COQ8B: variants seen among roughly 807,000 people sequenced by gnomAD.
COQ8B encodes atypical kinase COQ8B, mitochondrial.
COQ8B carries 44 observed loss-of-function variants against 62.0 expected under a neutral mutation model. That is an observed-to-expected ratio of 0.71 (90% CI 0.56 to 0.91). COQ8B has a LOEUF of 0.91. Ranked by LOEUF, COQ8B falls within the 40% of genes least tolerant of loss-of-function variation. COQ8B has a pLI of 0.00. For missense variants in COQ8B, 649 were observed against 731.6 expected, an observed-to-expected ratio of 0.89 and a Z score of 1.30; for synonymous variants, 252 against 289.9, an observed-to-expected ratio of 0.87 and a Z score of 1.33.
rs116967984 is a variant in COQ8B at position 40,693,525 on chromosome 19, G to A, written c.1210-488C>T. Among the ~76,000 whole-genome samples, 1,076 of 152,312 alleles carry A rather than the reference G, an allele frequency of 7.1e-3. 8 individuals carry two copies. The highest frequency in any genetic ancestry group is 0.013 in the Non-Finnish European group (879 of 68,022). ...CTGGGTGAACCTTGCTTTAGCAAAT[G>A]AGCGTGTGGAGCAGAGCAGCTCTCC... On this transcript the variant is annotated intron_variant, in intron 13 of 14. Coordinates refer to ENST00000324464, the MANE Select transcript of COQ8B (RefSeq NM_024876.4).
intron 5 of COQ8B, among the ~76,000 whole-genome samples, chr19:40,709,264 G>A (rs2082122967): frequency 6.6e-6 from 1 of 152,128 alleles, no homozygotes; most frequent in South Asian, 2.1e-4. Flanking sequence ...TTTCATGGCT[G>A]TTTTTTCCAA....
At chr19:40,702,392 C>G (rs2082066954) in intron 10 of COQ8B, among the ~76,000 whole-genome samples, 1 of 152,130 alleles carries the variant, frequency 6.6e-6, no homozygotes, top group East Asian at 1.9e-4. Context: ...GAGAAGACTG[C>G]CGCTTGGGAA....
At chr19:40,711,379 A>G (rs1308167548) in intron 4 of COQ8B, among the ~76,000 whole-genome samples, 2 of 151,952 alleles carry the variant, frequency 1.3e-5, no homozygotes, top group Non-Finnish European at 2.9e-5. Flanking sequence ...CCACACGTGC[A>G]TACCACCACG....
intron 4 of COQ8B, among the ~76,000 whole-genome samples, chr19:40,710,449 C>T (rs540941035): frequency 2.0e-5 from 3 of 152,218 alleles, no homozygotes; most frequent in South Asian, 2.1e-4. Context: ...GGGGTTTCAC[C>T]GTGTTGGCCA....
intron 12 of COQ8B, among the ~76,000 whole-genome samples, chr19:40,697,931 C>G (rs1479709329): frequency 2.1e-5 from 3 of 145,778 alleles, no homozygotes; most frequent in Non-Finnish European, 4.5e-5. Flanking sequence ...AAAAGTGTCC[C>G]AAGGCCAGGC....
chr19:40,702,785 C>G (rs1003133594), intron 9 of COQ8B, 92 bp from the exon 10 acceptor site: 67 of 1,171,316 alleles, frequency 5.7e-5, no homozygotes, highest in Non-Finnish European at 8.0e-5. Flanking sequence ...GTCTCCCGCG[C>G]TGTCCCTCAC....
intron 12 of COQ8B, among the ~76,000 whole-genome samples, chr19:40,697,822 T>TA (rs2082025880): frequency 2.5e-5 from 2 of 79,106 alleles, no homozygotes; most frequent in Admixed American, 1.3e-4. Flanking sequence ...ATAAATAAAA[T>TA]TATATATATA....
At chr19:40,694,481 G>A (rs553531498) in intron 13 of COQ8B, among the ~76,000 whole-genome samples, 4 of 152,226 alleles carry the variant, frequency 2.6e-5, no homozygotes, top group South Asian at 4.2e-4. Context: ...GCTGCCCCCC[G>A]ACCTGCCCTC....
At chr19:40,710,393 C>T (rs1305963415) in intron 4 of COQ8B, among the ~76,000 whole-genome samples, 2 of 152,152 alleles carry the variant, frequency 1.3e-5, no homozygotes, top group African/African-American at 2.4e-5. Context: ...TACAGGCACG[C>T]GCCCACCACG....
intron 12 of COQ8B, among the ~76,000 whole-genome samples, chr19:40,699,319 A>C (rs917659437): frequency 6.6e-6 from 1 of 151,914 alleles, no homozygotes; most frequent in Non-Finnish European, 1.5e-5. Context: ...CCCCACAGTG[A>C]GTCAGGCACT....
In COQ8B at chr19:40,692,257, C is replaced by T. The variant is rs762706120; in HGVS notation, c.1413G>A (p.Pro471=). ...ETARRIQDLI[P]VLLRHRLCPP... is the part of the protein sequence containing the mutation. ...GACACAGCCGGTGCCGCAGCAGCAC[C>T]GGGATGAGGTCCTGTATGCGGCGGG... Residue 471 remains proline, a synonymous_variant, in exon 15 of 15, where the codon CCG becomes CCA. Transcript: ENST00000324464. 15 of 1,612,924 alleles carry T rather than the reference C, an allele frequency of 9.3e-6. No homozygotes were observed. The highest frequency in any genetic ancestry group is 4.0e-5 in the African/African-American group (3 of 74,850).
chr19:40,710,839 G>A (rs2082135249), intron 4 of COQ8B, among the ~76,000 whole-genome samples: 1 of 152,186 alleles, frequency 6.6e-6, no homozygotes, highest in Admixed American at 6.5e-5. Flanking sequence ...TCAAGGTTAA[G>A]AAGGCCCCTC....
intron 4 of COQ8B, among the ~76,000 whole-genome samples, chr19:40,713,691 GGGCAAC>G (rs1367656026): frequency 0.017 from 2,610 of 151,390 alleles, 74 homozygotes; most frequent in African/African-American, 0.059. Flanking sequence ...ACTCCAGCCT[GGGCAAC>G]AGAGCGAGAC....
At chr19:40,692,601 G>C (rs1391667796) in intron 14 of COQ8B, among the ~76,000 whole-genome samples, 2 of 151,926 alleles carry the variant, frequency 1.3e-5, no homozygotes, top group African/African-American at 2.4e-5. Context: ...GCCTCCAACA[G>C]ACAAGTAGCC....
chr19:40,693,174 T>G (rs1201549811), intron 13 of COQ8B, 137 bp from the exon 14 acceptor site: 9 of 682,042 alleles, frequency 1.3e-5, no homozygotes, highest in Non-Finnish European at 2.2e-5. Flanking sequence ...CCTGGAAGCT[T>G]CCTGCTCCCA....
chr19:40,714,907 G>T, intron 1 of COQ8B: 3 of 1,238,484 alleles, frequency 2.4e-6, no homozygotes, highest in Non-Finnish European at 3.0e-6. Context: ...GTTCCTCAGG[G>T]GCTACCTCTC....
At chr19:40,697,851 T>G (rs1560153) in intron 12 of COQ8B, among the ~76,000 whole-genome samples, 39,025 of 55,310 alleles carry the variant, frequency 0.71, 13,238 homozygotes, top group South Asian at 0.81. Context: ...TATATATATA[T>G]AGAGAGAGAG....
rs1447081590 is a variant in COQ8B at position 40,691,988 on chromosome 19, C to T, written c.*47G>A. The T allele has an allele frequency of 1.3e-6, 2 of 1,502,120 alleles. No individual in the cohort carries two copies. The highest frequency in any genetic ancestry group is 2.4e-5 in the East Asian group (1 of 41,112). The allele number at this position is 1,502,120 out of a possible 1,614,324, so 93.0% of individuals were successfully genotyped here. A position where few individuals can be genotyped will look rare whatever the true frequency, so the allele number is the denominator to read the frequency against. On this transcript the variant is annotated 3_prime_UTR_variant, in exon 15 of 15. Coordinates refer to ENST00000324464, the MANE Select transcript of COQ8B (RefSeq NM_024876.4). ...GACGGGGAAGGGATAAGAGGCACTA[C>T]AGCAGGGTACGGCCTGCTCTGGGGA...
Position 40,705,180 on chromosome 19 carries a change from G to C in COQ8B, c.492C>G (p.Asp164Glu). ...LKVGQMLSIQ[D>E]NSFISPQLQH... ...GCAGCTGAGGGCTGATGAAGCTGTT[G>C]TCTTGGGAGACAGTGGAACCAGGGG... Residue 164 changes from aspartate to glutamate, a missense_variant and splice_region_variant, in exon 7 of 15, where the codon GAC (aspartate) becomes GAG (glutamate). Transcript: ENST00000324464. The C allele has an allele frequency of 6.2e-7, 1 of 1,613,326 alleles. No individual in the cohort carries two copies. Among genetic ancestry groups the C allele is most frequent in the African/African-American group, 1.3e-5 (1 of 75,064 alleles).
Sources: allele counts gnomAD v4.1 joint callset (sites outside exome capture counted in the v4.1 genomes callset), GRCh38; gene constraint gnomAD v4.1.1; transcripts MANE v1.5; gene names NCBI Gene and HGNC (gene_info 2026-07-23, HGNC 2026-07-21).